EXOC5: variants seen among roughly 807,000 people sequenced by gnomAD.
The protein encoded by EXOC5 is exocyst complex component 5.
EXOC5 carries 17 observed loss-of-function variants against 90.8 expected under a neutral mutation model. The ratio of observed to expected loss-of-function variants is 0.19; its 90% CI spans 0.13 to 0.28. EXOC5 has a LOEUF of 0.28. EXOC5 is among the 10% of genes least tolerant of loss of function. The pLI is 1.00. For synonymous variants in EXOC5, 260 were observed against 270.0 expected (o/e 0.96, Z 0.36); for missense variants, 569 against 830.6 (o/e 0.69, Z 3.87).
chr14:57,253,897 A>G (rs1884265968), intron 1 of EXOC5, among the ~76,000 whole-genome samples: 1 of 152,226 alleles, frequency 6.6e-6, no homozygotes, highest in African/African-American at 2.4e-5. Context: ...TAAAACCCTT[A>G]GAAGAAAATA....
At position 57,204,453 on chromosome 14, in the gene EXOC5, C is replaced by G. The variant is rs1363022298; in HGVS notation, c.*4156G>C. 2.6e-5 allele frequency: 4 copies of G among 152,044 alleles called. No individual in the cohort carries two copies. The highest frequency in any genetic ancestry group is 4.8e-5 in the African/African-American group (2 of 41,400). The allele number at this position is 152,044 out of a possible 1,614,324, so 9.4% of individuals were successfully genotyped here. ...ACTGTTAATATACTAAATATTTTGCCTTACATTTTCACTCCAGCATTAGTC... is the reference window on the plus strand; with the variant it reads ...ACTGTTAATATACTAAATATTTTGCGTTACATTTTCACTCCAGCATTAGTC... On this transcript the variant is annotated 3_prime_UTR_variant, in exon 18 of 18. Transcript: ENST00000621441.
chr14:57,231,383 T>C, intron 11 of EXOC5, 123 bp downstream of exon 11: 1 of 651,526 alleles, frequency 1.5e-6, no homozygotes, highest in South Asian at 2.0e-5. Context: ...AATATAACAA[T>C]CTGGATTAAA....
chr14:57,267,316 T>C (rs577063308), intron 1 of EXOC5, among the ~76,000 whole-genome samples: 63 of 152,242 alleles, frequency 4.1e-4, no homozygotes, highest in Non-Finnish European at 7.9e-4. Flanking sequence ...AATTACTGTC[T>C]TATTACAACT....
In EXOC5 at chr14:57,205,616, T is replaced by G. The variant is rs1882628668; in HGVS notation, c.*2993A>C. On this transcript the variant is annotated 3_prime_UTR_variant, in exon 18 of 18. Transcript: ENST00000621441. ...CCTTGTAAATATTCACCATTACAGG[T>G]AAGAAAAACGCATTTTAGGGAAGCA... 1 of 327,432 alleles carries G rather than the reference T, an allele frequency of 3.1e-6. No homozygotes were observed. Among genetic ancestry groups the G allele is most frequent in the South Asian group, 2.6e-5 (1 of 38,530 alleles). 20.3% of individuals were successfully genotyped at this position (327,432 alleles called of 1,614,324 possible).
At chr14:57,265,566 T>A (rs1177812814) in intron 1 of EXOC5, among the ~76,000 whole-genome samples, 5 of 151,964 alleles carry the variant, frequency 3.3e-5, no homozygotes, top group African/African-American at 9.7e-5. Context: ...CTGCAAAAAA[T>A]TTTTAAAAAT....
intron 6 of EXOC5, among the ~76,000 whole-genome samples, chr14:57,236,323 G>C (rs1224440219): frequency 7.4e-6 from 1 of 134,532 alleles, no homozygotes; most frequent in Non-Finnish European, 1.5e-5. Context: ...GTTTCTCTGT[G>C]TCACCCAGTC....
chr14:57,261,016 G>T (rs1309028357), intron 1 of EXOC5, among the ~76,000 whole-genome samples: 1 of 152,066 alleles, frequency 6.6e-6, no homozygotes, highest in Non-Finnish European at 1.5e-5. Context: ...ATTATAACTT[G>T]AATAAGCAAA....
Position 57,248,482 on chromosome 14 carries a change from TG to T in EXOC5, c.28-771del. 2.0e-5 allele frequency among the ~76,000 whole-genome samples: 3 copies of T among 151,898 alleles called. No homozygotes were observed. The South Asian group carries it at 6.2e-4, about 32-fold the overall frequency. ...AGAAAAAAGTCTAACATATGATAGC[TG>T]ATGAAAAAAGCAGGATACAAAATCT... On this transcript the variant is annotated intron_variant, in intron 1 of 17. Transcript: ENST00000621441.
chr14:57,221,899 G>C (rs956071419), intron 13 of EXOC5, among the ~76,000 whole-genome samples: 1 of 152,042 alleles, frequency 6.6e-6, no homozygotes, highest in African/African-American at 2.4e-5. Context: ...AAGACCAAAA[G>C]ACCAAAAGCA....
chr14:57,214,576 C>T (rs1349265903), intron 15 of EXOC5, among the ~76,000 whole-genome samples: 1 of 151,916 alleles, frequency 6.6e-6, no homozygotes, highest in Non-Finnish European at 1.5e-5. Context: ...GATGGATAAG[C>T]GGTACTAAAG....
At chr14:57,212,437 G>A (rs1882857291) in intron 15 of EXOC5, among the ~76,000 whole-genome samples, 1 of 152,202 alleles carries the variant, frequency 6.6e-6, no homozygotes, top group African/African-American at 2.4e-5. Flanking sequence ...TTGAAACAAT[G>A]AAGATGCAAG....
intron 1 of EXOC5, among the ~76,000 whole-genome samples, chr14:57,261,027 G>T (rs1162236507): frequency 1.3e-5 from 2 of 152,108 alleles, no homozygotes; most frequent in South Asian, 2.1e-4. Flanking sequence ...AATAAGCAAA[G>T]ATATGTAAAT....
chr14:57,242,625 T>A (rs1383405387), intron 4 of EXOC5, among the ~76,000 whole-genome samples: 4 of 152,186 alleles, frequency 2.6e-5, no homozygotes, highest in Non-Finnish European at 5.9e-5. Context: ...TGATATCTTA[T>A]CCCATTCTAA....
At chr14:57,227,486 T>C (rs528088770) in intron 12 of EXOC5, among the ~76,000 whole-genome samples, 1 of 152,344 alleles carries the variant, frequency 6.6e-6, no homozygotes, top group South Asian at 2.1e-4. Flanking sequence ...GCTGTTATGA[T>C]GTTATACATA....
rs1364975204 is a variant in EXOC5 at position 57,200,771 on chromosome 14, A to C, written c.*7838T>G. Reference sequence around the variant, plus strand: ...GCTCACTACATTAAAAAAAAAAAAAAAAAACTTCCACCAAAAATATAGTTG... The same window carrying C: ...GCTCACTACATTAAAAAAAAAAAAACAAAACTTCCACCAAAAATATAGTTG... On this transcript the variant is annotated 3_prime_UTR_variant, in exon 18 of 18. Coordinates refer to ENST00000621441, the MANE Select transcript of EXOC5 (RefSeq NM_006544.4). 3 of 151,980 alleles carry C rather than the reference A, an allele frequency of 2.0e-5. No homozygotes were observed. Among genetic ancestry groups the C allele is most frequent in the East Asian group, 3.8e-4 (2 of 5,202 alleles). 9.4% of individuals were successfully genotyped at this position (151,980 alleles called of 1,614,324 possible).
chr14:57,264,981 TAA>T (rs1382977875), intron 1 of EXOC5, among the ~76,000 whole-genome samples: 1 of 152,082 alleles, frequency 6.6e-6, no homozygotes, highest in Non-Finnish European at 1.5e-5. Flanking sequence ...CAGTAGAAAA[TAA>T]AAGTCTCTTT....
chr14:57,263,516 C>T (rs557520971), intron 1 of EXOC5, among the ~76,000 whole-genome samples: 241 of 151,470 alleles, frequency 1.6e-3, no homozygotes, highest in African/African-American at 5.5e-3. Context: ...GCTTGTAATC[C>T]CAGCACTTTG....
chr14:57,218,983 G>C (rs1883050923), intron 14 of EXOC5, among the ~76,000 whole-genome samples: 1 of 151,956 alleles, frequency 6.6e-6, no homozygotes, highest in African/African-American at 2.4e-5. Flanking sequence ...CATGGACTTT[G>C]TCTATCGGAT....
At chr14:57,250,421 A>G (rs539037054) in intron 1 of EXOC5, among the ~76,000 whole-genome samples, 51 of 152,332 alleles carry the variant, frequency 3.3e-4, no homozygotes, top group African/African-American at 1.2e-3. Context: ...CCTATACACA[A>G]TAATAATTCT....
Sources: gnomAD v4.1 joint callset for allele counts (sites outside exome capture counted in the v4.1 genomes callset) on GRCh38, gnomAD v4.1.1 for gene constraint, MANE v1.5 for transcripts, NCBI Gene and HGNC (gene_info 2026-07-23, HGNC 2026-07-21) for gene names.